The following UBE2T variants were observed in gnomAD, a reference collection of about 807,000 sequenced individuals.
The protein encoded by UBE2T is ubiquitin conjugating enzyme E2 T, also known as ubiquitin-conjugating enzyme E2 T.
Under a neutral mutation model 23.3 loss-of-function variants are expected in UBE2T, and 15 were observed. That is an observed-to-expected ratio of 0.64 (90% CI 0.43 to 0.99). UBE2T has a LOEUF of 0.99. Ranked by LOEUF, UBE2T falls within the 50% of genes least tolerant of loss-of-function variation. The probability of loss-of-function intolerance (pLI) is 0.00; values close to 1 mark genes in which losing one functional copy is unlikely to be tolerated. For missense variants in UBE2T, 197 were observed against 234.9 expected, an observed-to-expected ratio of 0.84 and a Z score of 1.05; for synonymous variants, 67 against 78.4, an observed-to-expected ratio of 0.85 and a Z score of 0.77.
At position 202,331,856 on chromosome 1, in the gene UBE2T, C is replaced by A. The variant is rs1210544578; in HGVS notation, c.573G>T (p.Lys191Asn). 1.2e-6 allele frequency: 2 copies of A among 1,613,962 alleles called. No homozygotes were observed. Among genetic ancestry groups the A allele is most frequent in the Non-Finnish European group, 1.7e-6 (2 of 1,179,992 alleles). The stretch of plus-strand genomic sequence containing the variant: ...TCCCCTAAACATCAGGATGAAATTT[C>A]TTTTCTATGCCTACTAGCTGACTGG... ...RKASQLVGIE[K>N]KFHPDV The change falls in exon 7 of 7, where the codon AAG becomes AAT. Residue 191 changes from lysine (K) to asparagine (N), a missense_variant. Coordinates refer to ENST00000646651, the MANE Select transcript of UBE2T (RefSeq NM_014176.4).
At chr1:202,334,407 G>A (rs1234333529) in intron 3 of UBE2T, among the ~76,000 whole-genome samples, 2 of 152,122 alleles carry the variant, frequency 1.3e-5, no homozygotes, top group African/African-American at 4.8e-5. Flanking sequence ...ACAGAGAAGG[G>A]CAAAACTACT....
At chr1:202,332,930 A>AAAAAAAACAAAAAC (rs1654793467) in intron 6 of UBE2T, 80 bp downstream of exon 6, 1 of 476,152 alleles carries the variant, frequency 2.1e-6, no homozygotes, top group East Asian at 5.3e-5. Context: ...AAAAAAAAAA[A>AAAAAAAACAAAAAC]AAAAAAAAAA....
Position 202,335,637 on chromosome 1 carries a change from G to A in UBE2T, c.109+9C>T. The A allele has an allele frequency of 6.2e-7, 1 of 1,611,058 alleles. No individual in the cohort carries two copies. The highest frequency in any genetic ancestry group is 8.5e-7 in the Non-Finnish European group (1 of 1,177,574). ...ATGACTTTCATCATATACATGATTT[G>A]ATACCTACGAGCTCGCAGGTCATCC... On this transcript the variant is annotated intron_variant, in intron 2 of 6. Transcript: ENST00000646651. This position sits in a 1 kb window ranked among gnomAD's most constrained non-coding sequence, Gnocchi z 4.0.
rs1654750187 is a variant in UBE2T, at chr1:202,331,772, G to T, written c.*63C>A. 6.3e-7 allele frequency: 1 copy of T among 1,579,490 alleles called. No homozygotes were observed. The highest frequency in any genetic ancestry group is 1.2e-5 in the South Asian group (1 of 86,654). On this transcript the variant is annotated 3_prime_UTR_variant, in exon 7 of 7. Coordinates refer to ENST00000646651, the MANE Select transcript of UBE2T (RefSeq NM_014176.4). ...CAAATATATTTAAAAAAAAATTCAA[G>T]GTAGGCAACTTAGATCACCTTGGCA...
At chr1:202,339,668 C>T (rs1407255747) in intron 1 of UBE2T, among the ~76,000 whole-genome samples, 1 of 150,044 alleles carries the variant, frequency 6.7e-6, no homozygotes, top group Non-Finnish European at 1.5e-5. Flanking sequence ...TGTCATTATT[C>T]CCTAAACAAT....
At position 202,333,447 on chromosome 1, in the gene UBE2T, C is replaced by A; in HGVS notation, c.285+3G>T. The A allele has an allele frequency of 6.2e-7, 1 of 1,614,008 alleles. No individual in the cohort carries two copies. Among genetic ancestry groups the A allele is most frequent in the Non-Finnish European group, 8.5e-7 (1 of 1,179,958 alleles). ...TAGAGTCAACCATTTACCCACAACT[C>A]ACTTTTGGTGGCAATTTGAGAACAT... On this transcript the variant is annotated splice_donor_region_variant and intron_variant, in intron 4 of 6. Coordinates refer to ENST00000646651, the MANE Select transcript of UBE2T (RefSeq NM_014176.4).
intron 3 of UBE2T, 44 bp downstream of exon 3, chr1:202,334,945 A>G: frequency 6.4e-7 from 1 of 1,567,130 alleles, no homozygotes; most frequent in Non-Finnish European, 8.7e-7. Flanking sequence ...CCCAATTTAT[A>G]AATGCACTTC....
At chr1:202,332,176 T>G (rs1198824415) in intron 6 of UBE2T, among the ~76,000 whole-genome samples, 1 of 152,226 alleles carries the variant, frequency 6.6e-6, no homozygotes, top group Non-Finnish European at 1.5e-5. Flanking sequence ...TAACTCAATC[T>G]GAAAGATGGC....
rs1250311538 is a variant in UBE2T, at chr1:202,333,037, T to G, written c.441A>C (p.Thr147=). Residue 147 remains threonine, a synonymous_variant, in exon 6 of 7, where the codon ACA becomes ACC. Transcript: ENST00000646651. ...TTTGTTTCTGTCTTGCATGCTTCTCTGTCCACTGTCTGGCATTCTTGAGGA... is the reference window on the plus strand; with the variant it reads ...TTTGTTTCTGTCTTGCATGCTTCTCGGTCCACTGTCTGGCATTCTTGAGGA... ...PAFLKNARQW[T]EKHARQKQKA... is the part of the protein sequence containing the mutation. 1 of 1,613,328 alleles carries G rather than the reference T, an allele frequency of 6.2e-7. No homozygotes were observed. Among genetic ancestry groups the G allele is most frequent in the Non-Finnish European group, 8.5e-7 (1 of 1,179,692 alleles).
intron 1 of UBE2T, among the ~76,000 whole-genome samples, chr1:202,336,704 G>C (rs1364898256): frequency 6.6e-6 from 1 of 152,140 alleles, no homozygotes; most frequent in East Asian, 1.9e-4. Context: ...AAGAATGGTA[G>C]AGATAGTCAA....
Position 202,335,229 on chromosome 1 carries a change from C to A in UBE2T, c.110-171G>T, listed in dbSNP as rs1356647543. ...CAACACACCACAATGCTAATGTACT[C>A]AAAAAGTTAATGGTGTCAAACAAAG... On this transcript the variant is annotated intron_variant, in intron 2 of 6. Transcript: ENST00000646651. The surrounding 1 kb of genome is among the most constrained non-coding windows in gnomAD (Gnocchi z 4.0). The A allele has an allele frequency of 6.6e-6, 4 of 603,136 alleles. No homozygotes were observed. The highest frequency in any genetic ancestry group is 2.9e-6 in the Non-Finnish European group (1 of 346,156). 37.4% of individuals were successfully genotyped at this position (603,136 alleles called of 1,614,324 possible). A position where few individuals can be genotyped will look rare whatever the true frequency, so the allele number is the denominator to read the frequency against.
rs760635545 is a variant in UBE2T at position 202,335,755 on chromosome 1, G to A, written c.-1C>T. The stretch of plus-strand genomic sequence containing the variant: ...TCTTCAGACGTGAAGCTCTCTGCAT[G>A]ATCCCCAAGTAGAAGGAACCACACA... On this transcript the variant is annotated 5_prime_UTR_variant, in exon 2 of 7. Coordinates refer to ENST00000646651, the MANE Select transcript of UBE2T (RefSeq NM_014176.4). The surrounding 1 kb of genome is among the most constrained non-coding windows in gnomAD (Gnocchi z 4.0). The A allele has an allele frequency of 6.2e-7, 1 of 1,613,768 alleles. No homozygotes were observed. Among genetic ancestry groups the A allele is most frequent in the Non-Finnish European group, 8.5e-7 (1 of 1,179,848 alleles).
In UBE2T at chr1:202,335,883, A is replaced by G; in HGVS notation, c.-64-65T>C. On this transcript the variant is annotated intron_variant, in intron 1 of 6. Transcript: ENST00000646651. The surrounding 1 kb of genome is among the most constrained non-coding windows in gnomAD (Gnocchi z 4.0). ...AATGACTATGAAGTTTTCAGCAAAC[A>G]GCTTCAATGTAGTGAGGGTGGGGGA... The G allele has an allele frequency of 1.3e-6, 1 of 759,268 alleles. No individual in the cohort carries two copies. The highest frequency in any genetic ancestry group is 2.6e-5 in the East Asian group (1 of 38,178). The allele number at this position is 759,268 out of a possible 1,614,324, so 47.0% of individuals were successfully genotyped here. A position where few individuals can be genotyped will look rare whatever the true frequency, so the allele number is the denominator to read the frequency against.
At chr1:202,341,750 A>G (rs2148343661) in intron 1 of UBE2T, 145 bp downstream of exon 1, 1 of 152,314 alleles carries the variant, frequency 6.6e-6, no homozygotes, top group Admixed American at 6.5e-5. Flanking sequence ...CCTCCGCTCA[A>G]CAGTGGCTTT....
Position 202,335,608 on chromosome 1 carries a change from G to C in UBE2T, c.109+38C>G, listed in dbSNP as rs747578295. The stretch of plus-strand genomic sequence containing the variant: ...TTTATTTCAGCACAATCTTCAATAG[G>C]GTCATGACTTTCATCATATACATGA... On this transcript the variant is annotated intron_variant, in intron 2 of 6. Coordinates refer to ENST00000646651, the MANE Select transcript of UBE2T (RefSeq NM_014176.4). This position sits in a 1 kb window ranked among gnomAD's most constrained non-coding sequence, Gnocchi z 4.0. 4 of 1,578,352 alleles carry C rather than the reference G, an allele frequency of 2.5e-6. No homozygotes were observed. Among genetic ancestry groups the C allele is most frequent in the Non-Finnish European group, 2.6e-6 (3 of 1,148,880 alleles).
rs776709440 is a variant in UBE2T at position 202,333,002 on chromosome 1, C to T, written c.468+8G>A. The T allele has an allele frequency of 5.3e-6, 8 of 1,503,188 alleles. No individual in the cohort carries two copies. Among genetic ancestry groups the T allele is most frequent in the Non-Finnish European group, 4.5e-6 (5 of 1,109,660 alleles). 93.1% of individuals were successfully genotyped at this position (1,503,188 alleles called of 1,614,324 possible). On this transcript the variant is annotated splice_region_variant and intron_variant, in intron 6 of 6. Transcript: ENST00000646651. ...TTAATTAACTGACAATAGTAGCAAACATTATACCTTTTGTTTCTGTCTTGC... is the reference window on the plus strand; with the variant it reads ...TTAATTAACTGACAATAGTAGCAAATATTATACCTTTTGTTTCTGTCTTGC...
At chr1:202,332,061 A>C in intron 6 of UBE2T, 101 bp from the exon 7 acceptor site, 1 of 1,460,622 alleles carries the variant, frequency 6.8e-7, no homozygotes, top group Non-Finnish European at 9.3e-7. Flanking sequence ...TCTTTGTTGC[A>C]AGATTTAAAT....
Position 202,335,133 on chromosome 1 carries a change from G to T in UBE2T, c.110-75C>A, listed in dbSNP as rs1233963455. On this transcript the variant is annotated intron_variant, in intron 2 of 6. Transcript: ENST00000646651. The surrounding 1 kb of genome is among the most constrained non-coding windows in gnomAD (Gnocchi z 4.0). ...ATTACTACCATATGGAGCTAATGAG[G>T]TCTATGGTCCTAATAGAGAAACTAG... 7.9e-7 allele frequency: 1 copy of T among 1,261,622 alleles called. No individual in the cohort carries two copies. The highest frequency in any genetic ancestry group is 2.1e-5 in the Admixed American group (1 of 47,294). 78.2% of individuals were successfully genotyped at this position (1,261,622 alleles called of 1,614,324 possible).
intron 1 of UBE2T, among the ~76,000 whole-genome samples, chr1:202,336,065 C>A (rs868766365): frequency 6.6e-6 from 1 of 152,050 alleles, no homozygotes; most frequent in Admixed American, 6.6e-5. Flanking sequence ...GCGTGCACCA[C>A]CATGCCCAGC....
Sources: gnomAD v4.1 joint callset for allele counts (sites outside exome capture counted in the v4.1 genomes callset) on GRCh38, gnomAD v4.1.1 for gene constraint, Gnocchi (gnomAD v3.1) non-coding constraint, MANE v1.5 for transcripts, NCBI Gene and HGNC (gene_info 2026-07-23, HGNC 2026-07-21) for gene names.